SHANK2: variants seen among roughly 807,000 people sequenced by gnomAD.
SHANK2 encodes the protein SH3 and multiple ankyrin repeat domains 2, also known as SH3 and multiple ankyrin repeat domains protein 2.
In SHANK2, 43 loss-of-function variants were observed where a neutral mutation model predicts 133.7. The observed-to-expected ratio is 0.32, with a 90% CI of 0.25 to 0.41. The LOEUF (loss-of-function observed/expected upper bound fraction) is 0.41, where lower values mean the gene tolerates loss of function less well. Ranked by LOEUF, SHANK2 falls within the 10% of genes least tolerant of loss-of-function variation. The pLI is 1.00. For synonymous variants in SHANK2, 1,017 were observed against 952.8 expected, an observed-to-expected ratio of 1.07 and a Z score of -1.24; for missense variants, 1,994 against 2,235.8, an observed-to-expected ratio of 0.89 and a Z score of 2.18.
chr11:70,870,160 C>CT (rs781982452), intron 11 of SHANK2, among the ~76,000 whole-genome samples: 2 of 152,058 alleles, frequency 1.3e-5, no homozygotes, highest in Admixed American at 6.5e-5. Flanking sequence ...TGAGGATGAG[C>CT]ACAGCAGCAG....
At chr11:71,069,682 C>CCCTG (rs1237586213) in intron 9 of SHANK2, among the ~76,000 whole-genome samples, 13 of 152,184 alleles carry the variant, frequency 8.5e-5, no homozygotes, top group Non-Finnish European at 1.8e-4. Flanking sequence ...CCTAGAGAGA[C>CCCTG]AATAGGTTGT....
intron 14 of SHANK2, among the ~76,000 whole-genome samples, chr11:70,752,227 G>C (rs1442269628): frequency 5.3e-5 from 8 of 151,932 alleles, no homozygotes; most frequent in Non-Finnish European, 1.0e-4. Flanking sequence ...TGGACTTTCA[G>C]AAAACTAACC....
chr11:70,499,201 G>A (rs1377023481), intron 21 of SHANK2, among the ~76,000 whole-genome samples: 3 of 152,264 alleles, frequency 2.0e-5, no homozygotes, highest in Admixed American at 1.3e-4. Context: ...TGTCAGCAAC[G>A]CTCGGTGTCT....
At chr11:70,850,654 C>T (rs1312101208) in intron 11 of SHANK2, among the ~76,000 whole-genome samples, 1 of 152,240 alleles carries the variant, frequency 6.6e-6, no homozygotes, top group Non-Finnish European at 1.5e-5. Flanking sequence ...CCTCGAGTCA[C>T]TGTGCCTGCA....
At chr11:70,827,559 C>T (rs1214031554) in intron 11 of SHANK2, among the ~76,000 whole-genome samples, 4 of 151,186 alleles carry the variant, frequency 2.6e-5, no homozygotes, top group East Asian at 2.0e-4. Context: ...CCTGAAGCTA[C>T]GTGGAGCATC....
intron 17 of SHANK2, among the ~76,000 whole-genome samples, chr11:70,640,892 C>A (rs1428197408): frequency 6.6e-6 from 1 of 152,184 alleles, no homozygotes; most frequent in Non-Finnish European, 1.5e-5. Flanking sequence ...TGAGTGCAGG[C>A]AATGAGCGTC....
Position 70,485,729 on chromosome 11 carries a change from C to T in SHANK2, c.4564G>A (p.Glu1522Lys), listed in dbSNP as rs544418717. The T allele has an allele frequency of 3.1e-6, 5 of 1,614,030 alleles. No homozygotes were observed. The highest frequency in any genetic ancestry group is 3.3e-5 in the Admixed American group (2 of 60,022). The part of the protein sequence containing the change: ...TVSSISTLSS[E>K]GGENVDTCTV... ...CAGGTGTCCACATTCTCTCCACCTT[C>T]GGAAGACAGGGTGGAGATGCTAGAC... is the stretch of plus-strand genomic sequence containing the variant. The change falls in exon 25 of 26, where the codon GAA (glutamate) becomes AAA (lysine). Residue 1522 changes from glutamate (E) to lysine (K), a missense_variant. Physicochemically the swap from Glu to Lys is moderately conservative, Grantham distance 56 (BLOSUM62 1). Transcript: ENST00000601538. The surrounding 1 kb of genome is among the most constrained non-coding windows in gnomAD (Gnocchi z 5.8).
chr11:70,812,183 A>G (rs1555053340), intron 12 of SHANK2, among the ~76,000 whole-genome samples: 1 of 152,246 alleles, frequency 6.6e-6, no homozygotes, highest in Non-Finnish European at 1.5e-5. Flanking sequence ...CACAGCTCCA[A>G]CCTTGAAGCT....
rs1555111441 is a variant in SHANK2 at position 71,168,010 on chromosome 11, G to A, written c.-12-20672C>T. Among the ~76,000 whole-genome samples, 2 of 130,316 alleles carry A rather than the reference G, an allele frequency of 1.5e-5. 1 individual carries two copies. The highest frequency in any genetic ancestry group is 6.1e-5 in the African/African-American group (2 of 32,640). The allele number at this position is 130,316 out of a possible 152,430, so 85.5% of individuals were successfully genotyped here. ...AGACGGGGTGGCTGCTGGGCGGAGG[G>A]GCTCCTCACTTCTCAGACGGGGCGG... On this transcript the variant is annotated intron_variant, in intron 2 of 25. Coordinates refer to ENST00000601538, the MANE Select transcript of SHANK2 (RefSeq NM_012309.5).
intron 14 of SHANK2, among the ~76,000 whole-genome samples, chr11:70,704,103 G>A (rs926895131): frequency 2.0e-5 from 3 of 152,272 alleles, no homozygotes; most frequent in Non-Finnish European, 4.4e-5. Flanking sequence ...ATACCCATGT[G>A]CAGGATGGCA....
At chr11:70,782,547 G>A (rs1225662935) in intron 14 of SHANK2, among the ~76,000 whole-genome samples, 4 of 152,238 alleles carry the variant, frequency 2.6e-5, no homozygotes, top group Non-Finnish European at 4.4e-5. Flanking sequence ...AGACCACAGA[G>A]CTGTGTGGAA....
At chr11:70,658,260 CACAG>C (rs1565220479) in intron 17 of SHANK2, among the ~76,000 whole-genome samples, 2 of 122,052 alleles carry the variant, frequency 1.6e-5, no homozygotes, top group Non-Finnish European at 3.2e-5. Context: ...CACACACACA[CACAG>C]ACACACACAC....
At chr11:70,904,829 G>A (rs540773576) in intron 10 of SHANK2, among the ~76,000 whole-genome samples, 4 of 152,218 alleles carry the variant, frequency 2.6e-5, no homozygotes, top group African/African-American at 4.8e-5. Context: ...TTTAAAAAGG[G>A]GAGTTTCTCC....
At chr11:71,172,597 C>CAAAAAAAAA (rs10623588) in intron 2 of SHANK2, among the ~76,000 whole-genome samples, 2 of 107,286 alleles carry the variant, frequency 1.9e-5, no homozygotes, top group Non-Finnish European at 3.6e-5. Flanking sequence ...GACTCTGTCT[C>CAAAAAAAAA]AAAAAAAAAA....
In SHANK2 at chr11:70,875,938, C is replaced by T. The variant is rs536292889; in HGVS notation, c.1174+20563G>A. On this transcript the variant is annotated intron_variant, in intron 11 of 25. Transcript: ENST00000601538. ...TTGGGAGCCCGAGGTGGGCAGATCA[C>T]CTGAGGTTGGGAGTTTGAGACCAGC... Among the ~76,000 whole-genome samples the T allele has an allele frequency of 7.2e-4, 109 of 151,396 alleles. 1 individual carries two copies. The highest frequency in any genetic ancestry group is 2.4e-3 in the African/African-American group (100 of 41,170).
At chr11:70,726,444 C>A (rs554913696) in intron 14 of SHANK2, among the ~76,000 whole-genome samples, 1 of 149,318 alleles carries the variant, frequency 6.7e-6, no homozygotes, top group Non-Finnish European at 1.5e-5. Flanking sequence ...GGGGTCTTTG[C>A]CCTGAAGCTG....
intron 3 of SHANK2, among the ~76,000 whole-genome samples, chr11:71,120,123 C>T (rs188323029): frequency 1.3e-5 from 2 of 152,296 alleles, no homozygotes; most frequent in East Asian, 3.9e-4. Context: ...GCAAACCAAT[C>T]ACAACACTTC....
intron 8 of SHANK2, among the ~76,000 whole-genome samples, chr11:71,086,846 G>C (rs1212729550): frequency 1.3e-5 from 2 of 152,162 alleles, no homozygotes; most frequent in African/African-American, 4.8e-5. Flanking sequence ...TCATCTGATA[G>C]GCACAAGGGC....
At chr11:71,133,419 C>A (rs1433294584) in intron 3 of SHANK2, among the ~76,000 whole-genome samples, 2 of 16,090 alleles carry the variant, frequency 1.2e-4, no homozygotes, top group South Asian at 6.2e-3. Flanking sequence ...GATGGATGGA[C>A]AGATGGAGGG....
Sources: allele counts gnomAD v4.1 joint callset (sites outside exome capture counted in the v4.1 genomes callset), GRCh38; gene constraint gnomAD v4.1.1; non-coding constraint Gnocchi (gnomAD v3.1); transcripts MANE v1.5; gene names NCBI Gene and HGNC (gene_info 2026-07-23, HGNC 2026-07-21).